Variants in ARAP1 observed in about 807,000 individuals in gnomAD.
ARAP1 encodes the protein ArfGAP with RhoGAP domain, ankyrin repeat and PH domain 1, also known as arf-GAP with Rho-GAP domain, ANK repeat and PH domain-containing protein 1.
In ARAP1, 76 loss-of-function variants were observed where a neutral mutation model predicts 172.2. That is an observed-to-expected ratio of 0.44 (90% CI 0.37 to 0.53). The LOEUF (loss-of-function observed/expected upper bound fraction) is 0.53, where lower values mean the gene tolerates loss of function less well. Ranked by LOEUF, ARAP1 falls within the 20% of genes least tolerant of loss-of-function variation. ARAP1 has a pLI of 0.00. For synonymous variants in ARAP1, 804 were observed against 803.3 expected (o/e 1.00, Z -0.01); for missense variants, 1,686 against 1,977.5 (o/e 0.85, Z 2.80).
chr11:72,707,373 A>G lies in ARAP1; in HGVS notation c.1525T>C (p.Phe509Leu), dbSNP rs1856818333. ...DLTTPYRIFS[F>L]SADSELEKEQ... ...TTCTCTAGCTCTGAGTCAGCAGAGAAGCTGGGGACATAGGGGTGGGGAGAT... is the reference window on the plus strand; with the variant it reads ...TTCTCTAGCTCTGAGTCAGCAGAGAGGCTGGGGACATAGGGGTGGGGAGAT... Residue 509 changes from phenylalanine to leucine, a missense_variant and splice_region_variant, in exon 12 of 35, where the codon TTC (phenylalanine) becomes CTC (leucine). Phe to Leu is a conservative substitution (Grantham distance 22). This residue lies in a region of ARAP1 where 688 missense variants were observed against 856.9 expected (regional missense o/e 0.80). Transcript: ENST00000393609. 6.2e-7 allele frequency: 1 copy of G among 1,610,884 alleles called. No individual in the cohort carries two copies. The highest frequency in any genetic ancestry group is 1.3e-5 in the African/African-American group (1 of 74,916).
In ARAP1 at chr11:72,698,105, G is replaced by T. The variant is rs747772417; in HGVS notation, c.2543C>A (p.Ala848Glu). The T allele has an allele frequency of 6.3e-6, 10 of 1,591,648 alleles. No homozygotes were observed. Among genetic ancestry groups the T allele is most frequent in the Non-Finnish European group, 8.5e-6 (10 of 1,169,854 alleles). The change falls in exon 19 of 35, where the codon GCA (alanine) becomes GAA (glutamate). Residue 848 changes from alanine to glutamate, a missense_variant and splice_region_variant. Coordinates refer to ENST00000393609, the MANE Select transcript of ARAP1 (RefSeq NM_001040118.3). ...AHEWVKCIAK[A>E]FVPPLAEDLL... ...ATCCTCGGCTAGGGGAGGCACGAATGCCTGGCAGAGAGGCGCCGGGGGAGA... is the reference window on the plus strand; with the variant it reads ...ATCCTCGGCTAGGGGAGGCACGAATTCCTGGCAGAGAGGCGCCGGGGGAGA...
chr11:72,734,500 T>A (rs1464269542), intron 1 of ARAP1, among the ~76,000 whole-genome samples: 1 of 152,218 alleles, frequency 6.6e-6, no homozygotes, highest in Admixed American at 6.5e-5. Context: ...GCAGTGCTAC[T>A]CAAACGACAA....
rs1160666091 is a variant in ARAP1, at chr11:72,722,474, A to G, written c.509+4146T>C. 5.6e-6 allele frequency: 3 copies of G among 536,260 alleles called. No individual in the cohort carries two copies. The East Asian group carries it at 4.4e-4, about 79-fold the overall frequency. The allele number at this position is 536,260 out of a possible 1,614,324, so 33.2% of individuals were successfully genotyped here. A position where few individuals can be genotyped will look rare whatever the true frequency, so the allele number is the denominator to read the frequency against. On this transcript the variant is annotated intron_variant, in intron 3 of 34. Transcript: ENST00000393609. ...GATCTTGCAGGCCCTCACAGGGTGG[A>G]TGCCCAGGAAGTCCTGACTGACAAG...
In ARAP1 at chr11:72,711,006, C is replaced by T. The variant is rs769548605; in HGVS notation, c.1213+15G>A. On this transcript the variant is annotated intron_variant, in intron 9 of 34. Coordinates refer to ENST00000393609, the MANE Select transcript of ARAP1 (RefSeq NM_001040118.3). The stretch of plus-strand genomic sequence containing the variant: ...CCCTCTTCTACACACACACACAACA[C>T]CCCACACTCCCCACCATCACTCTCT... 11 of 1,614,076 alleles carry T rather than the reference C, an allele frequency of 6.8e-6. No individual in the cohort carries two copies. The highest frequency in any genetic ancestry group is 9.3e-6 in the Non-Finnish European group (11 of 1,179,964).
chr11:72,722,076 G>C, intron 3 of ARAP1: 1 of 985,556 alleles, frequency 1.0e-6, no homozygotes, highest in Non-Finnish European at 1.2e-6. Flanking sequence ...GTCTTTAAGT[G>C]TTTGTGAATC....
At chr11:72,720,756 C>CT (rs561239981) in intron 3 of ARAP1, among the ~76,000 whole-genome samples, 2 of 152,300 alleles carry the variant, frequency 1.3e-5, no homozygotes, top group East Asian at 1.9e-4. Context: ...CTGCTAGGGG[C>CT]TTTTTTTCAT....
At chr11:72,704,025 T>C (rs896317881) in intron 14 of ARAP1, 127 bp downstream of exon 14, 26 of 1,297,580 alleles carry the variant, frequency 2.0e-5, no homozygotes, top group Middle Eastern at 2.3e-4. Context: ...CCTCCAAACA[T>C]CAGTTTCCCC....
At chr11:72,746,903 C>T (rs1358413404) in intron 1 of ARAP1, among the ~76,000 whole-genome samples, 2 of 152,264 alleles carry the variant, frequency 1.3e-5, no homozygotes, top group African/African-American at 4.8e-5. Flanking sequence ...AGGCAGACCC[C>T]TGCCCTATGC....
intron 3 of ARAP1, among the ~76,000 whole-genome samples, chr11:72,720,342 G>A (rs1460273645): frequency 6.6e-6 from 1 of 152,074 alleles, no homozygotes; most frequent in Non-Finnish European, 1.5e-5. Flanking sequence ...TCCATCATGA[G>A]ACCCAAAGGT....
At chr11:72,721,835 C>G in intron 3 of ARAP1, 1 of 985,730 alleles carries the variant, frequency 1.0e-6, no homozygotes, top group Non-Finnish European at 1.2e-6. Flanking sequence ...ACAGCAACGG[C>G]GGCACCTCGC....
At position 72,701,755 on chromosome 11, in the gene ARAP1, G is replaced by A; in HGVS notation, c.2196C>T (p.Pro732=). 2.5e-6 allele frequency: 4 copies of A among 1,613,880 alleles called. No individual in the cohort carries two copies. The highest frequency in any genetic ancestry group is 1.1e-5 in the South Asian group (1 of 91,076). ...GGACAACTGAGTAGTGCTTTTCCAG[G>A]GGCTTCATCGAGTCCAGCCGAGGCA... The part of the protein sequence containing the change: ...TEVPRLDSMK[P]LEKHYSVVLP... Residue 732 remains proline, a synonymous_variant, in exon 16 of 35, where the codon CCC becomes CCT. Transcript: ENST00000393609.
At position 72,710,022 on chromosome 11, in the gene ARAP1, G is replaced by A. The variant is rs1412190602; in HGVS notation, c.1417-46C>T. The A allele has an allele frequency of 6.5e-7, 1 of 1,545,036 alleles. No homozygotes were observed. Reference sequence around the variant, plus strand: ...GATGAGGGCAAGGCTTTGGGGGCAGGGCGTGAGGCTTGGGACAGGGAGAGG... The same window carrying A: ...GATGAGGGCAAGGCTTTGGGGGCAGAGCGTGAGGCTTGGGACAGGGAGAGG... On this transcript the variant is annotated intron_variant, in intron 10 of 34. Coordinates refer to ENST00000393609, the MANE Select transcript of ARAP1 (RefSeq NM_001040118.3). The surrounding 1 kb of genome is among the most constrained non-coding windows in gnomAD (Gnocchi z 4.3).
At chr11:72,715,716 G>A (rs1402476912) in intron 3 of ARAP1, among the ~76,000 whole-genome samples, 1 of 152,004 alleles carries the variant, frequency 6.6e-6, no homozygotes, top group African/African-American at 2.4e-5. Flanking sequence ...GTCTCAAGGT[G>A]TAGAGACTGG....
At chr11:72,739,327 G>A (rs1858133197) in intron 1 of ARAP1, among the ~76,000 whole-genome samples, 1 of 152,188 alleles carries the variant, frequency 6.6e-6, no homozygotes, top group Non-Finnish European at 1.5e-5. Context: ...TTCCTGTCCT[G>A]GCCCATGTGT....
chr11:72,731,904 G>T (rs1466735022), intron 2 of ARAP1, among the ~76,000 whole-genome samples: 1 of 152,114 alleles, frequency 6.6e-6, no homozygotes, highest in South Asian at 2.1e-4. Context: ...AGATTCTAAA[G>T]TTCATATAAA....
chr11:72,722,062 T>A, intron 3 of ARAP1: 1 of 985,580 alleles, frequency 1.0e-6, no homozygotes, highest in Non-Finnish European at 1.2e-6. Flanking sequence ...CACCTGTGAT[T>A]TATGTCTTTA....
chr11:72,735,879 G>C (rs888465126), intron 1 of ARAP1, among the ~76,000 whole-genome samples: 4 of 152,224 alleles, frequency 2.6e-5, no homozygotes, highest in African/African-American at 9.6e-5. Context: ...GCATGAACCA[G>C]ACCTCAGACC....
At chr11:72,722,957 G>A (rs149779821) in intron 3 of ARAP1, among the ~76,000 whole-genome samples, 1 of 152,200 alleles carries the variant, frequency 6.6e-6, no homozygotes, top group African/African-American at 2.4e-5. Flanking sequence ...GGGTGACTCT[G>A]GGCAAGTTTC....
intron 3 of ARAP1, among the ~76,000 whole-genome samples, chr11:72,721,171 G>A (rs182593876): frequency 8.6e-4 from 131 of 152,266 alleles, no homozygotes; most frequent in Middle Eastern, 6.8e-3. Flanking sequence ...GAAGAGTGCC[G>A]GGTGGGTGGA....
Sources: allele counts gnomAD v4.1 joint callset (sites outside exome capture counted in the v4.1 genomes callset), GRCh38; gene constraint gnomAD v4.1.1; regional missense constraint gnomAD v4.1.1; non-coding constraint Gnocchi (gnomAD v3.1); transcripts MANE v1.5; gene names NCBI Gene and HGNC (gene_info 2026-07-23, HGNC 2026-07-21).